LACC1: variants seen among roughly 807,000 people sequenced by gnomAD.
LACC1 encodes the protein laccase domain multifunctional purine nucleosidase 1.
LACC1 carries 25 observed loss-of-function variants against 34.8 expected under a neutral mutation model. The observed-to-expected ratio is 0.72, with a 90% CI of 0.52 to 1.00. The LOEUF is 1.00. Among genes scored for constraint, LACC1 ranks in the 50% least tolerant of loss-of-function variants. The pLI, the probability that LACC1 is intolerant of heterozygous loss-of-function variation, is 0.00. For missense variants in LACC1, 426 were observed against 511.2 expected, an observed-to-expected ratio of 0.83 and a Z score of 1.61; for synonymous variants, 162 against 168.0, an observed-to-expected ratio of 0.96 and a Z score of 0.28.
At position 43,882,242 on chromosome 13, in the gene LACC1, T is replaced by TTA. The variant is rs1955103860; in HGVS notation, c.621_622dup (p.Ser208IlefsTer17). 6.2e-7 allele frequency: 1 copy of TTA among 1,613,296 alleles called. No individual in the cohort carries two copies. The highest frequency in any genetic ancestry group is 8.5e-7 in the Non-Finnish European group (1 of 1,179,522). On this transcript the variant is annotated frameshift_variant, in exon 3 of 7. Coordinates refer to ENST00000325686, the MANE Select transcript of LACC1 (RefSeq NM_153218.4). LOFTEE classifies it high-confidence loss of function. ...GGTGGGATATCTTATATACCAACTC[T>TTA]TAGCTCATTCAATCTCTTCAGTAGT... is the stretch of plus-strand genomic sequence containing the variant.
intron 3 of LACC1, among the ~76,000 whole-genome samples, chr13:43,882,647 T>G (rs544442329): frequency 2.5e-4 from 37 of 150,686 alleles, no homozygotes; most frequent in Non-Finnish European, 7.4e-5. Context: ...ATTGTGACTT[T>G]AAGTGAAACG....
chr13:43,888,709 T>C, intron 4 of LACC1, 48 bp from the exon 5 acceptor site: 1 of 1,469,532 alleles, frequency 6.8e-7, no homozygotes, highest in Non-Finnish European at 9.5e-7. Flanking sequence ...TCAGGTGAAA[T>C]TTTTTATGTT....
intron 5 of LACC1, among the ~76,000 whole-genome samples, chr13:43,889,545 T>C (rs938386243): frequency 6.6e-6 from 1 of 152,232 alleles, no homozygotes; most frequent in African/African-American, 2.4e-5. Context: ...TTTTAAATCA[T>C]GTTTCTATTC....
intron 1 of LACC1, among the ~76,000 whole-genome samples, chr13:43,880,688 T>C (rs888464648): frequency 1.8e-4 from 28 of 152,250 alleles, no homozygotes; most frequent in Admixed American, 6.5e-4. Flanking sequence ...TCAAAAGTTC[T>C]GTGTAAACAA....
intron 6 of LACC1, among the ~76,000 whole-genome samples, chr13:43,891,206 T>C (rs1371519244): frequency 6.6e-6 from 1 of 152,236 alleles, no homozygotes; most frequent in South Asian, 2.1e-4. Flanking sequence ...ATAGTATTTA[T>C]TAGAGATGGT....
At chr13:43,888,713 T>C in intron 4 of LACC1, 44 bp from the exon 5 acceptor site, 1 of 1,498,640 alleles carries the variant, frequency 6.7e-7, no homozygotes, top group African/African-American at 1.4e-5. Flanking sequence ...GTGAAATTTT[T>C]TATGTTTTGA....
chr13:43,881,323 C>T lies in LACC1; in HGVS notation c.338C>T (p.Thr113Ile). 1.2e-6 allele frequency: 2 copies of T among 1,613,800 alleles called. No homozygotes were observed. Among genetic ancestry groups the T allele is most frequent in the Non-Finnish European group, 1.7e-6 (2 of 1,179,848 alleles). ...IKVIVPRHRKTLMKAFIDQLF... is the reference protein window; with the variant it reads ...IKVIVPRHRKILMKAFIDQLF... ...GTAATTGTACCCAGGCACAGGAAGA[C>T]ATTAATGAAAGCTTTTATTGATCAA... is the stretch of plus-strand genomic sequence containing the variant. The change falls in exon 2 of 7, where the codon ACA becomes ATA. Residue 113 changes from threonine (T) to isoleucine (I), a missense_variant. Transcript: ENST00000325686.
At chr13:43,882,059 G>A (rs1955094222) in intron 2 of LACC1, 126 bp from the exon 3 acceptor site, 1 of 649,712 alleles carries the variant, frequency 1.5e-6, no homozygotes, top group Non-Finnish European at 2.6e-6. Flanking sequence ...ACATATGGAG[G>A]TACAAAATGC....
chr13:43,885,911 A>G (rs1259473360), intron 4 of LACC1, among the ~76,000 whole-genome samples: 9 of 152,168 alleles, frequency 5.9e-5, no homozygotes, highest in Non-Finnish European at 1.2e-4. Context: ...CAACAAACAA[A>G]TAACAATCAA....
At position 43,881,448 on chromosome 13, in the gene LACC1, C is replaced by T. The variant is rs745578128; in HGVS notation, c.463C>T (p.Gln155Ter). Residue 155 changes from glutamine (Q) to a stop codon, truncating the protein, a stop_gained, in exon 2 of 7, where the codon CAA becomes TAA. Transcript: ENST00000325686. LOFTEE classifies it high-confidence loss of function. Reference sequence around the variant, plus strand: ...CATTGAAATAAACGTAATCACAGCTCAAGAACTAAGAGGAATTCAGAATGA... The same window carrying T: ...CATTGAAATAAACGTAATCACAGCTTAAGAACTAAGAGGAATTCAGAATGA... ...QSIEINVITA[Q>*]ELRGIQNEIE... The T allele has an allele frequency of 3.7e-6, 6 of 1,613,994 alleles. No homozygotes were observed. The highest frequency in any genetic ancestry group is 5.1e-6 in the Non-Finnish European group (6 of 1,179,966).
Position 43,887,627 on chromosome 13 carries a change from A to G in LACC1, c.908-1130A>G, listed in dbSNP as rs575059594. ...AATATAATAGATATATTTTTGTAAA[A>G]AGGGAGAGATGAAAACTGCAAAACA... On this transcript the variant is annotated intron_variant, in intron 4 of 6. Transcript: ENST00000325686. 1.1e-4 allele frequency among the ~76,000 whole-genome samples: 16 copies of G among 152,310 alleles called. No homozygotes were observed. In the East Asian group the frequency reaches 3.1e-3, roughly 29 times the overall value.
intron 3 of LACC1, 28 bp from the exon 4 acceptor site, chr13:43,883,743 C>T: frequency 6.4e-7 from 1 of 1,563,146 alleles, no homozygotes; most frequent in Non-Finnish European, 8.7e-7. Flanking sequence ...ATTTCCAAAA[C>T]ATTTTTGTTG....
In LACC1 at chr13:43,881,083, A is replaced by G. The variant is rs761469939; in HGVS notation, c.98A>G (p.Tyr33Cys). The part of the protein sequence containing the change: ...TLLKTLNAVQ[Y>C]HHAAKAKFLC... ...CTGAAGACTTTGAATGCTGTCCAAT[A>G]CCACCATGCTGCCAAGGCCAAGTTT... Residue 33 changes from tyrosine to cysteine, a missense_variant, in exon 2 of 7, where the codon TAC becomes TGC. Physicochemically the swap from Tyr to Cys is radical, Grantham distance 194. Coordinates refer to ENST00000325686, the MANE Select transcript of LACC1 (RefSeq NM_153218.4). 6.2e-7 allele frequency: 1 copy of G among 1,614,164 alleles called. No homozygotes were observed. The highest frequency in any genetic ancestry group is 1.6e-4 in the Middle Eastern group (1 of 6,062).
intron 4 of LACC1, among the ~76,000 whole-genome samples, chr13:43,884,505 GA>G (rs1368408216): frequency 6.6e-6 from 1 of 152,146 alleles, no homozygotes; most frequent in Non-Finnish European, 1.5e-5. Flanking sequence ...AGGGAGGTAG[GA>G]AAAAGCAAGA....
At chr13:43,882,490 G>A in intron 3 of LACC1, 127 bp downstream of exon 3, 1 of 634,660 alleles carries the variant, frequency 1.6e-6, no homozygotes, top group Non-Finnish European at 2.6e-6. Context: ...ATAATGCTGT[G>A]GTTGTCTTTC....
intron 4 of LACC1, among the ~76,000 whole-genome samples, chr13:43,885,603 A>G (rs907841153): frequency 1.3e-5 from 2 of 152,194 alleles, no homozygotes; most frequent in Non-Finnish European, 2.9e-5. Context: ...TACAAAAACT[A>G]ACTCAACATG....
At chr13:43,885,723 A>C (rs1330211865) in intron 4 of LACC1, among the ~76,000 whole-genome samples, 1 of 152,238 alleles carries the variant, frequency 6.6e-6, no homozygotes, top group Non-Finnish European at 1.5e-5. Flanking sequence ...CATGGTGAAG[A>C]CTTCAAGAGC....
intron 4 of LACC1, among the ~76,000 whole-genome samples, chr13:43,887,128 T>G (rs991934822): frequency 2.0e-5 from 3 of 152,128 alleles, no homozygotes; most frequent in Non-Finnish European, 4.4e-5. Flanking sequence ...TTTCCTAAAG[T>G]CTTCTCTGCC....
At chr13:43,882,627 G>A (rs1278948673) in intron 3 of LACC1, among the ~76,000 whole-genome samples, 1 of 146,244 alleles carries the variant, frequency 6.8e-6, no homozygotes, top group Non-Finnish European at 1.5e-5. Flanking sequence ...ATGTTGATAG[G>A]TTCTTAGAAA....
Sources: allele counts gnomAD v4.1 joint callset (sites outside exome capture counted in the v4.1 genomes callset), GRCh38; gene constraint gnomAD v4.1.1; transcripts MANE v1.5; gene names NCBI Gene and HGNC (gene_info 2026-07-23, HGNC 2026-07-21).